Variants in CCDC102B observed in about 807,000 individuals in gnomAD.
CCDC102B encodes coiled-coil domain containing 102B, also known as coiled-coil domain-containing protein 102B.
CCDC102B carries 75 observed loss-of-function variants against 57.4 expected under a neutral mutation model. That is an observed-to-expected ratio of 1.31 (90% CI 1.08 to 1.58). The LOEUF (loss-of-function observed/expected upper bound fraction) is 1.58. CCDC102B is among the 40% of genes most tolerant of loss of function. The probability of loss-of-function intolerance (pLI) is 0.00; values close to 1 mark genes in which losing one functional copy is unlikely to be tolerated. For synonymous variants in CCDC102B, 206 were observed against 201.9 expected (o/e 1.02, Z -0.17); for missense variants, 636 against 582.6 (o/e 1.09, Z -0.94).
At chr18:68,879,354 C>T (rs1436974254) in intron 5 of CCDC102B, among the ~76,000 whole-genome samples, 1 of 152,132 alleles carries the variant, frequency 6.6e-6, no homozygotes, top group Admixed American at 6.5e-5. Context: ...AACAAAGCTT[C>T]CACAGTGTGG....
intron 1 of CCDC102B, among the ~76,000 whole-genome samples, chr18:68,822,043 T>C (rs1479650348): frequency 6.6e-6 from 1 of 152,118 alleles, no homozygotes; most frequent in Non-Finnish European, 1.5e-5. Context: ...TTGGAATACT[T>C]TCTAAAAATT....
intron 6 of CCDC102B, among the ~76,000 whole-genome samples, chr18:68,905,176 A>T (rs1005848932): frequency 6.6e-6 from 1 of 151,210 alleles, no homozygotes; most frequent in African/African-American, 2.4e-5. Context: ...TAAAACAAAG[A>T]TGCAAAATTT....
chr18:68,975,847 A>AT (rs1313242549), intron 6 of CCDC102B, among the ~76,000 whole-genome samples: 3 of 151,260 alleles, frequency 2.0e-5, no homozygotes, highest in Non-Finnish European at 2.9e-5. Flanking sequence ...TGCCACTTTC[A>AT]TTTAAAAAAA....
intron 5 of CCDC102B, among the ~76,000 whole-genome samples, chr18:68,886,554 C>T (rs1229751972): frequency 1.3e-5 from 2 of 151,994 alleles, no homozygotes; most frequent in Admixed American, 1.3e-4. Flanking sequence ...TAAAAAGATT[C>T]TTGATATATT....
intron 6 of CCDC102B, among the ~76,000 whole-genome samples, chr18:68,943,519 T>A (rs903203267): frequency 1.3e-5 from 2 of 152,116 alleles, no homozygotes; most frequent in Non-Finnish European, 2.9e-5. Context: ...AAAACGTTTG[T>A]TTTGTAGCAT....
At chr18:69,035,041 C>T (rs973948921) in intron 7 of CCDC102B, among the ~76,000 whole-genome samples, 7 of 151,844 alleles carry the variant, frequency 4.6e-5, no homozygotes, top group Admixed American at 2.0e-4. Flanking sequence ...TATAAGCAAG[C>T]ATTTTACCTT....
chr18:68,938,586 T>C (rs961863015), intron 6 of CCDC102B, among the ~76,000 whole-genome samples: 1 of 151,880 alleles, frequency 6.6e-6, no homozygotes, highest in African/African-American at 2.4e-5. Context: ...TTAAGAATTT[T>C]AGTATTCATC....
chr18:69,028,713 G>A (rs1473929357), intron 7 of CCDC102B, among the ~76,000 whole-genome samples: 1 of 152,038 alleles, frequency 6.6e-6, no homozygotes, highest in East Asian at 1.9e-4. Flanking sequence ...AAAGGGGGTT[G>A]TCTTATATAA....
chr18:69,011,658 TACAA>T (rs2051521725), intron 7 of CCDC102B, among the ~76,000 whole-genome samples: 1 of 152,020 alleles, frequency 6.6e-6, no homozygotes. Context: ...CAGCTGCAGT[TACAA>T]ACAAAGTTGT....
At chr18:68,795,353 A>G (rs2035595028), upstream of CCDC102B, among the ~76,000 whole-genome samples, 1 of 152,168 alleles carries the variant, frequency 6.6e-6, no homozygotes. Flanking sequence ...GAAACTATTA[A>G]GGAAAGGCCA....
chr18:69,017,313 T>C (rs1203919139), intron 7 of CCDC102B, among the ~76,000 whole-genome samples: 2 of 151,894 alleles, frequency 1.3e-5, no homozygotes, highest in Non-Finnish European at 2.9e-5. Flanking sequence ...TCTGCAGAGA[T>C]GGGGTTTCTT....
At chr18:68,736,547 T>G (rs888221250) in intron 2 of CCDC102B, among the ~76,000 whole-genome samples, 6 of 151,384 alleles carry the variant, frequency 4.0e-5, no homozygotes, top group Non-Finnish European at 7.3e-5. Flanking sequence ...ATGGTTCTTA[T>G]ATAATTTTTT....
chr18:68,928,117 T>C (rs913826522), intron 6 of CCDC102B, among the ~76,000 whole-genome samples: 1 of 151,950 alleles, frequency 6.6e-6, no homozygotes, highest in East Asian at 1.9e-4. Context: ...GTGATTATAC[T>C]GTATTCAAAG....
intron 6 of CCDC102B, among the ~76,000 whole-genome samples, chr18:69,008,021 G>A (rs2051398620): frequency 6.6e-6 from 1 of 152,168 alleles, no homozygotes; most frequent in South Asian, 2.1e-4. Flanking sequence ...AAAGCACAAG[G>A]TCATGTAATT....
chr18:68,768,916 C>T (rs2034549270), intron 2 of CCDC102B, among the ~76,000 whole-genome samples: 1 of 151,870 alleles, frequency 6.6e-6, no homozygotes, highest in Non-Finnish European at 1.5e-5. Context: ...ATAATTTTAA[C>T]TAGAAGAAAG....
intron 1 of CCDC102B, among the ~76,000 whole-genome samples, chr18:68,820,123 A>T (rs751731740): frequency 2.0e-5 from 3 of 152,098 alleles, no homozygotes; most frequent in Non-Finnish European, 4.4e-5. Flanking sequence ...ATTAGGAGGC[A>T]CATCCTTTTC....
chr18:69,015,703 T>A (rs923418559), intron 7 of CCDC102B, among the ~76,000 whole-genome samples: 1 of 152,144 alleles, frequency 6.6e-6, no homozygotes, highest in Non-Finnish European at 1.5e-5. Context: ...TCTAATTAAA[T>A]AAACAAAGAA....
intron 2 of CCDC102B, among the ~76,000 whole-genome samples, chr18:68,717,735 C>T: frequency 6.6e-6 from 1 of 151,872 alleles, no homozygotes; most frequent in East Asian, 1.9e-4. Context: ...AAAGATTCTA[C>T]TATTTTGACA....
chr18:68,820,964 G>C (rs539155023), intron 1 of CCDC102B, among the ~76,000 whole-genome samples: 1 of 152,164 alleles, frequency 6.6e-6, no homozygotes, highest in South Asian at 2.1e-4. Context: ...TCTTCCTTAG[G>C]AAGCTAAGAG....
Sources: allele counts gnomAD v4.1 joint callset (sites outside exome capture counted in the v4.1 genomes callset), GRCh38; gene constraint gnomAD v4.1.1; transcripts MANE v1.5; gene names NCBI Gene and HGNC (gene_info 2026-07-23, HGNC 2026-07-21).